Variants in MALRD1 observed in about 807,000 individuals in gnomAD.
MALRD1 encodes MAM and LDL receptor class A domain containing 1, also known as MAM and LDL-receptor class A domain-containing protein 1.
MALRD1 carries 247 observed loss-of-function variants against 242.1 expected under a neutral mutation model. The ratio of observed to expected loss-of-function variants is 1.02; its 90% CI spans 0.92 to 1.13. MALRD1 has a LOEUF of 1.13. MALRD1 is among the 50% of genes most tolerant of loss of function. The pLI, the probability that MALRD1 is intolerant of heterozygous loss-of-function variation, is 0.00. For synonymous variants in MALRD1, 995 were observed against 866.6 expected, an observed-to-expected ratio of 1.15 and a Z score of -2.60; for missense variants, 2,989 against 2,533.1, an observed-to-expected ratio of 1.18 and a Z score of -3.86.
intron 36 of MALRD1, among the ~76,000 whole-genome samples, chr10:19,618,180 T>G (rs1839250410): frequency 6.6e-6 from 1 of 152,120 alleles, no homozygotes; most frequent in African/African-American, 2.4e-5. Context: ...TTTTTAAGGC[T>G]GCATAGTATT....
At chr10:19,312,400 A>ATT (rs1491220851) in intron 21 of MALRD1, among the ~76,000 whole-genome samples, 4 of 143,596 alleles carry the variant, frequency 2.8e-5, no homozygotes, top group African/African-American at 1.0e-4. Context: ...ATATATATAT[A>ATT]TGTGTATATG....
intron 38 of MALRD1, among the ~76,000 whole-genome samples, chr10:19,723,850 A>T (rs1232300950): frequency 6.6e-6 from 1 of 152,016 alleles, no homozygotes; most frequent in African/African-American, 2.4e-5. Context: ...CTCCCGTGAG[A>T]TAGTAGTAGA....
intron 35 of MALRD1, among the ~76,000 whole-genome samples, chr10:19,615,285 A>G (rs1839092431): frequency 6.6e-6 from 1 of 151,918 alleles, no homozygotes; most frequent in Non-Finnish European, 1.5e-5. Flanking sequence ...TGGGAGGTCA[A>G]GGTGGGAGGA....
intron 33 of MALRD1, among the ~76,000 whole-genome samples, chr10:19,586,461 G>A (rs560806088): frequency 6.6e-6 from 1 of 152,124 alleles, no homozygotes; most frequent in South Asian, 2.1e-4. Flanking sequence ...ACCCTCAGCT[G>A]CAGGTCTGTT....
intron 28 of MALRD1, among the ~76,000 whole-genome samples, chr10:19,423,513 G>A (rs895490668): frequency 2.6e-5 from 4 of 151,940 alleles, no homozygotes; most frequent in African/African-American, 9.7e-5. Context: ...TGATGGCAAA[G>A]TTTAAACAAA....
intron 28 of MALRD1, among the ~76,000 whole-genome samples, chr10:19,433,463 C>T (rs527262958): frequency 1.3e-5 from 2 of 152,036 alleles, no homozygotes; most frequent in African/African-American, 4.8e-5. Context: ...GCCTCTGAGC[C>T]CTTCTAACAT....
At chr10:19,159,753 A>G (rs1834317510) in intron 12 of MALRD1, among the ~76,000 whole-genome samples, 1 of 152,120 alleles carries the variant, frequency 6.6e-6, no homozygotes, top group Non-Finnish European at 1.5e-5. Context: ...TCCCAGAGGC[A>G]CTGTACAGAC....
intron 28 of MALRD1, among the ~76,000 whole-genome samples, chr10:19,400,806 A>C (rs147789865): frequency 1.3e-5 from 2 of 152,164 alleles, no homozygotes; most frequent in Admixed American, 1.3e-4. Context: ...ACTTGAGGTG[A>C]GAAGTTTGAG....
chr10:19,661,592 A>G (rs886433177), intron 36 of MALRD1, among the ~76,000 whole-genome samples: 8 of 152,112 alleles, frequency 5.3e-5, no homozygotes, highest in Non-Finnish European at 1.0e-4. Flanking sequence ...CAATGAGAAC[A>G]CATGGACACA....
At chr10:19,487,789 C>A (rs928666334) in intron 29 of MALRD1, among the ~76,000 whole-genome samples, 3 of 152,122 alleles carry the variant, frequency 2.0e-5, no homozygotes, top group Non-Finnish European at 4.4e-5. Context: ...TGTTAATGCC[C>A]ATAATTGGAC....
intron 17 of MALRD1, among the ~76,000 whole-genome samples, 186 bp from the exon 18 acceptor site, chr10:19,209,082 T>C (rs1836918772): frequency 6.6e-6 from 1 of 152,212 alleles, no homozygotes; most frequent in Admixed American, 6.5e-5. Flanking sequence ...TTAATTGATA[T>C]ATCATTTAGA....
intron 36 of MALRD1, among the ~76,000 whole-genome samples, chr10:19,667,487 G>A (rs756579022): frequency 1.2e-4 from 19 of 152,068 alleles, no homozygotes; most frequent in Non-Finnish European, 5.9e-5. Flanking sequence ...GGCCTGGTGG[G>A]AGGTGTTTGG....
At chr10:19,591,122 T>G (rs1330010406) in intron 33 of MALRD1, among the ~76,000 whole-genome samples, 1 of 152,202 alleles carries the variant, frequency 6.6e-6, no homozygotes, top group Non-Finnish European at 1.5e-5. Flanking sequence ...AATTTTGCCT[T>G]TTCTAGAATG....
chr10:19,612,742 G>A (rs777550490), intron 35 of MALRD1, among the ~76,000 whole-genome samples: 4 of 151,870 alleles, frequency 2.6e-5, no homozygotes, highest in East Asian at 1.9e-4. Context: ...TCACTTGGCC[G>A]GCAGGAGAGA....
chr10:19,269,946 C>A (rs1170902659), intron 19 of MALRD1, among the ~76,000 whole-genome samples: 9 of 152,212 alleles, frequency 5.9e-5, no homozygotes, highest in Non-Finnish European at 1.2e-4. Context: ...TTCAAGTCAT[C>A]CAACTCATGT....
chr10:19,366,589 G>A (rs1564598026), intron 26 of MALRD1, among the ~76,000 whole-genome samples: 1 of 152,014 alleles, frequency 6.6e-6, no homozygotes, highest in East Asian at 1.9e-4. Context: ...TATCCATATT[G>A]TTCTATTGTT....
chr10:19,242,628 G>C (rs1164697812), intron 18 of MALRD1, among the ~76,000 whole-genome samples: 2 of 152,028 alleles, frequency 1.3e-5, no homozygotes, highest in African/African-American at 2.4e-5. Context: ...TTACACCTAA[G>C]TAATATATAT....
At chr10:19,594,698 C>A (rs1451460936) in intron 33 of MALRD1, among the ~76,000 whole-genome samples, 1 of 152,048 alleles carries the variant, frequency 6.6e-6, no homozygotes, top group Non-Finnish European at 1.5e-5. Flanking sequence ...TAGGATGGAG[C>A]TGGAGGCCAT....
chr10:19,660,701 A>G (rs569799511), intron 36 of MALRD1, among the ~76,000 whole-genome samples: 76 of 152,322 alleles, frequency 5.0e-4, no homozygotes, highest in Non-Finnish European at 8.8e-4. Context: ...ATAAAATAGC[A>G]TGTGTCAAAA....
Sources: allele counts gnomAD v4.1 joint callset (sites outside exome capture counted in the v4.1 genomes callset), GRCh38; gene constraint gnomAD v4.1.1; transcripts MANE v1.5; gene names NCBI Gene and HGNC (gene_info 2026-07-23, HGNC 2026-07-21).